ULK1: variants seen among roughly 807,000 people sequenced by gnomAD.
ULK1 encodes the protein unc-51 like autophagy activating kinase 1.
A neutral mutation model predicts 117.5 loss-of-function variants in ULK1; 48 were observed. The ratio of observed to expected loss-of-function variants is 0.41; its 90% CI spans 0.32 to 0.52. The LOEUF (loss-of-function observed/expected upper bound fraction) is 0.52. Ranked by LOEUF, ULK1 falls within the 20% of genes least tolerant of loss-of-function variation. The pLI is 0.29. For synonymous variants in ULK1, 790 were observed against 637.8 expected (o/e 1.24, Z -3.60); for missense variants, 1,387 against 1,473.4 (o/e 0.94, Z 0.96).
intron 3 of ULK1, chr12:131,897,743 G>GA (rs894069771): frequency 8.2e-5 from 12 of 146,892 alleles, no homozygotes; most frequent in South Asian, 2.2e-4. Context: ...CTAAAAAAAA[G>GA]AAAAAAAAAG....
chr12:131,899,796 AG>A (rs1443435391), intron 3 of ULK1, among the ~76,000 whole-genome samples: 1 of 152,226 alleles, frequency 6.6e-6, no homozygotes, highest in African/African-American at 2.4e-5. Context: ...TTGGGCAGGT[AG>A]CCTCCTGGCA....
intron 23 of ULK1, among the ~76,000 whole-genome samples, chr12:131,918,911 T>G (rs1335961264): frequency 4.5e-4 from 16 of 35,550 alleles, no homozygotes; most frequent in African/African-American, 6.1e-4. Flanking sequence ...GGGTGTAGGG[T>G]GTGTGGGGTG....
chr12:131,900,793 G>A (rs905781844), intron 3 of ULK1, among the ~76,000 whole-genome samples: 1 of 152,216 alleles, frequency 6.6e-6, no homozygotes, highest in Non-Finnish European at 1.5e-5. Context: ...CCCTGCTTGG[G>A]GTCCTGGGAG....
intron 1 of ULK1, among the ~76,000 whole-genome samples, 156 bp downstream of exon 1, chr12:131,895,268 C>T (rs1397716819): frequency 6.7e-6 from 1 of 148,288 alleles, no homozygotes; most frequent in East Asian, 2.0e-4. Context: ...CCCCACCCCG[C>T]GACCCCCAGC....
intron 25 of ULK1, 86 bp from the exon 26 acceptor site, chr12:131,919,893 C>T (rs1001525168): frequency 3.6e-5 from 55 of 1,528,748 alleles, no homozygotes; most frequent in South Asian, 9.9e-5. Flanking sequence ...GGGACGTGCT[C>T]GCTCAGTGCA....
intron 3 of ULK1, among the ~76,000 whole-genome samples, chr12:131,905,908 T>G (rs1321706171): frequency 1.3e-5 from 2 of 152,102 alleles, no homozygotes; most frequent in Non-Finnish European, 2.9e-5. Flanking sequence ...GGTCTGTGTC[T>G]GAGCTGAGGG....
chr12:131,895,765 CTT>C lies in ULK1; in HGVS notation c.205-17_205-16del, dbSNP rs1459632976. On this transcript the variant is annotated splice_polypyrimidine_tract_variant and intron_variant, in intron 2 of 27. Coordinates refer to ENST00000321867, the MANE Select transcript of ULK1 (RefSeq NM_003565.4). ...CCCCCCTCCCCACACTGATAACAAA[CTT>C]GGGTTTCTGTCCTAGGAACTGAAAC... 6.2e-7 allele frequency: 1 copy of C among 1,614,052 alleles called. No homozygotes were observed.
chr12:131,909,356 T>TGGCGG, intron 8 of ULK1, 119 bp downstream of exon 8: 2 of 1,208,354 alleles, frequency 1.7e-6, no homozygotes. Context: ...GGGTCCTGGC[T>TGGCGG]GGCGGGGCGG....
At chr12:131,910,081 T>C (rs1889466097) in intron 10 of ULK1, 80 bp downstream of exon 10, 1 of 1,577,796 alleles carries the variant, frequency 6.3e-7, no homozygotes, top group Non-Finnish European at 8.7e-7. Flanking sequence ...GCCCACCGGC[T>C]TCACACCCAG....
intron 3 of ULK1, among the ~76,000 whole-genome samples, chr12:131,901,995 C>T (rs900204381): frequency 2.0e-5 from 3 of 152,160 alleles, no homozygotes; most frequent in Admixed American, 6.5e-5. Context: ...AGGGACCTGC[C>T]TCAACCCCCT....
intron 3 of ULK1, among the ~76,000 whole-genome samples, chr12:131,899,741 T>C (rs1196944489): frequency 6.6e-6 from 1 of 152,212 alleles, no homozygotes; most frequent in African/African-American, 2.4e-5. Flanking sequence ...CCTGAGCCAT[T>C]CTGCCATTTG....
intron 26 of ULK1, 111 bp downstream of exon 26, chr12:131,920,247 C>G: frequency 7.2e-7 from 1 of 1,391,880 alleles, no homozygotes; most frequent in Non-Finnish European, 9.7e-7. Context: ...TGGGGGGTGT[C>G]ACTTCTGGAG....
rs537385299 is a variant in ULK1 at position 131,915,819 on chromosome 12, C to T, written c.1610-72C>T. ...GGAGTGCGTCTACCCCAAGGGGCTC[C>T]GTGTGGTAGCAGTGGGGCCTAGGGC... On this transcript the variant is annotated intron_variant, in intron 18 of 27. Transcript: ENST00000321867. 3.9e-5 allele frequency: 61 copies of T among 1,584,134 alleles called. 1 individual carries two copies. Among genetic ancestry groups the T allele is most frequent in the Admixed American group, 1.4e-4 (8 of 55,278 alleles).
intron 12 of ULK1, among the ~76,000 whole-genome samples, chr12:131,911,530 AG>A (rs1889534130): frequency 6.6e-6 from 1 of 152,196 alleles, no homozygotes; most frequent in Non-Finnish European, 1.5e-5. Flanking sequence ...TGCTGGCCTC[AG>A]AGCAGGGCCC....
chr12:131,915,069 T>C lies in ULK1; in HGVS notation c.1374-14T>C. On this transcript the variant is annotated splice_polypyrimidine_tract_variant and intron_variant, in intron 16 of 27. Coordinates refer to ENST00000321867, the MANE Select transcript of ULK1 (RefSeq NM_003565.4). The stretch of plus-strand genomic sequence containing the variant: ...TGCTGAGGCCTCCCCTCCTAATATC[T>C]GCCTTGTCTTCAGGTCCTCTGCCAT... 17 of 1,527,724 alleles carry C rather than the reference T, an allele frequency of 1.1e-5. No homozygotes were observed. The highest frequency in any genetic ancestry group is 1.5e-5 in the Non-Finnish European group (17 of 1,138,116). The allele number at this position is 1,527,724 out of a possible 1,614,324, so 94.6% of individuals were successfully genotyped here.
chr12:131,922,088 GGC>G lies in ULK1; in HGVS notation c.*728_*729del. On this transcript the variant is annotated 3_prime_UTR_variant, in exon 28 of 28. Transcript: ENST00000321867. ...CGTTCCTCTGGGGACCGGCAGCAGA[GGC>G]ACCGTGTTCTCTCAGCCCTGGATAC... is the stretch of plus-strand genomic sequence containing the variant. The G allele has an allele frequency of 2.2e-6, 1 of 450,932 alleles. No individual in the cohort carries two copies. The allele number at this position is 450,932 out of a possible 1,614,324, so 27.9% of individuals were successfully genotyped here.
chr12:131,898,911 CTT>C (rs1888980573), intron 3 of ULK1, among the ~76,000 whole-genome samples: 3 of 149,088 alleles, frequency 2.0e-5, no homozygotes, highest in Non-Finnish European at 4.5e-5. Context: ...TGGAGCTTCT[CTT>C]TGTCACCCAG....
At position 131,915,110 on chromosome 12, in the gene ULK1, C is replaced by T. The variant is rs773306613; in HGVS notation, c.1401C>T (p.Ser467=). The change falls in exon 17 of 28, where the codon AGC becomes AGT. Residue 467 remains serine (S), a synonymous_variant. Transcript: ENST00000321867. ...PRSSAIRRSG[S]TSPLGFARAS... is the part of the protein sequence containing the mutation. ...CCTCTGCCATCCGCAGGTCAGGCAG[C>T]ACCAGCCCCCTGGGCTTTGCAAGGG... 1.3e-6 allele frequency: 2 copies of T among 1,570,496 alleles called. No homozygotes were observed. Among genetic ancestry groups the T allele is most frequent in the Non-Finnish European group, 1.7e-6 (2 of 1,159,486 alleles).
In ULK1 at chr12:131,910,277, C is replaced by T; in HGVS notation, c.832C>T (p.Leu278Phe). ...DFDEFFHHPF[L>F]DASPSVRKSP... is the part of the protein sequence containing the mutation. Reference sequence around the variant, plus strand: ...AGATGAGTTTTTTCATCACCCTTTCCTCGATGCCAGCCCCTCGGTCAGGAA... The same window carrying T: ...AGATGAGTTTTTTCATCACCCTTTCTTCGATGCCAGCCCCTCGGTCAGGAA... Residue 278 changes from leucine (L) to phenylalanine (F), a missense_variant, in exon 11 of 28, where the codon CTC (leucine) becomes TTC (phenylalanine). Transcript: ENST00000321867. 2.5e-6 allele frequency: 4 copies of T among 1,613,838 alleles called. No individual in the cohort carries two copies. Among genetic ancestry groups the T allele is most frequent in the Non-Finnish European group, 3.4e-6 (4 of 1,179,992 alleles).
Sources: gnomAD v4.1 joint callset for allele counts (sites outside exome capture counted in the v4.1 genomes callset) on GRCh38, gnomAD v4.1.1 for gene constraint, MANE v1.5 for transcripts, NCBI Gene and HGNC (gene_info 2026-07-23, HGNC 2026-07-21) for gene names.